The following PTPRT variants were observed in gnomAD, a reference collection of about 807,000 sequenced individuals.
PTPRT encodes the protein receptor-type tyrosine-protein phosphatase T.
A neutral mutation model predicts 176.8 loss-of-function variants in PTPRT; 56 were observed. The ratio of observed to expected loss-of-function variants is 0.32; its 90% confidence interval spans 0.26 to 0.40. The LOEUF (loss-of-function observed/expected upper bound fraction) is 0.40, where lower values mean the gene tolerates loss of function less well. PTPRT is among the 10% of genes least tolerant of loss of function. The probability of loss-of-function intolerance (pLI) is 1.00; values close to 1 mark genes in which losing one functional copy is unlikely to be tolerated. For synonymous variants in PTPRT, 783 were observed against 739.0 expected, an observed-to-expected ratio of 1.06 and a Z score of -0.96; for missense variants, 1,540 against 1,908.2, an observed-to-expected ratio of 0.81 and a Z score of 3.60.
At chr20:42,850,851 G>A (rs1045939641) in intron 2 of PTPRT, among the ~76,000 whole-genome samples, 1 of 152,108 alleles carries the variant, frequency 6.6e-6, no homozygotes, top group Non-Finnish European at 1.5e-5. Context: ...GCAGCCCTTG[G>A]ACCAGTCTAC....
intron 7 of PTPRT, among the ~76,000 whole-genome samples, chr20:42,640,412 T>C (rs555323708): frequency 1.3e-5 from 2 of 152,074 alleles, no homozygotes; most frequent in South Asian, 4.2e-4. Context: ...AAAAATTTTT[T>C]TGAGACAGTG....
rs555590698 is a variant in PTPRT, at chr20:42,801,378, C to G, written c.215-9912G>C. On this transcript the variant is annotated intron_variant, in intron 2 of 30. Coordinates refer to ENST00000373187, the MANE Select transcript of PTPRT (RefSeq NM_007050.6). ...GGCTTTCTCCCCTGGCTTCTCTCTG[C>G]CACTGCATCCCTAACTCCACTGGTA... 1.6e-4 allele frequency among the ~76,000 whole-genome samples: 24 copies of G among 152,310 alleles called. No individual in the cohort carries two copies. In the South Asian group the frequency reaches 4.8e-3, roughly 30 times the overall value.
At chr20:43,137,712 C>T (rs2013877463) in intron 1 of PTPRT, among the ~76,000 whole-genome samples, 1 of 152,196 alleles carries the variant, frequency 6.6e-6, no homozygotes, top group Non-Finnish European at 1.5e-5. Context: ...GAGACTGCAG[C>T]CCTATCTGCT....
At chr20:42,990,093 A>C (rs6072924) in intron 1 of PTPRT, among the ~76,000 whole-genome samples, 32,219 of 152,188 alleles carry the variant, frequency 0.21, 3,588 homozygotes, top group Non-Finnish European at 0.24. Flanking sequence ...CTATCATCTT[A>C]CGAAGCCGTC....
chr20:42,660,767 C>G (rs988486869), intron 7 of PTPRT, among the ~76,000 whole-genome samples: 1 of 152,118 alleles, frequency 6.6e-6, no homozygotes, highest in Non-Finnish European at 1.5e-5. Flanking sequence ...ATGGAAAGGG[C>G]AAGTAATAAA....
intron 11 of PTPRT, among the ~76,000 whole-genome samples, chr20:42,343,841 T>C (rs180819755): frequency 6.6e-6 from 1 of 152,316 alleles, no homozygotes; most frequent in African/African-American, 2.4e-5. Flanking sequence ...TTCTTGCCCA[T>C]GGCTGCCCAT....
At chr20:42,585,449 T>C (rs960805660) in intron 7 of PTPRT, among the ~76,000 whole-genome samples, 1 of 152,210 alleles carries the variant, frequency 6.6e-6, no homozygotes, top group African/African-American at 2.4e-5. Context: ...TTGTATATGC[T>C]ATTTTTTGAC....
At chr20:42,363,285 TATATATA>T (rs2058459725) in intron 9 of PTPRT, among the ~76,000 whole-genome samples, 1 of 16,516 alleles carries the variant, frequency 6.1e-5, no homozygotes, top group African/African-American at 2.3e-4. Context: ...TATATATATA[TATATATA>T]TATATATATT....
intron 7 of PTPRT, among the ~76,000 whole-genome samples, chr20:42,544,161 C>A (rs891803200): frequency 6.6e-6 from 1 of 152,182 alleles, no homozygotes; most frequent in African/African-American, 2.4e-5. Context: ...TTCTCTCTAG[C>A]TACGAAAGTC....
chr20:42,116,086 G>A (rs1356966923), intron 21 of PTPRT: 1 of 723,902 alleles, frequency 1.4e-6, no homozygotes, highest in Non-Finnish European at 2.6e-6. Flanking sequence ...CCCACAGTGT[G>A]TTCCGCTGGG....
chr20:42,321,407 ATAAACCTAGG>A (rs1420455937), intron 11 of PTPRT, among the ~76,000 whole-genome samples: 1 of 152,210 alleles, frequency 6.6e-6, no homozygotes, highest in Non-Finnish European at 1.5e-5. Context: ...CTACAAAATC[ATAAACCTAGG>A]TGATTCTGAT....
intron 7 of PTPRT, among the ~76,000 whole-genome samples, chr20:42,481,040 T>A (rs1261157887): frequency 6.6e-6 from 1 of 151,660 alleles, no homozygotes; most frequent in Non-Finnish European, 1.5e-5. Context: ...TTTTTTTTTT[T>A]AAGGGCCAGA....
chr20:42,520,375 C>T (rs1475269268), intron 7 of PTPRT, among the ~76,000 whole-genome samples: 1 of 152,092 alleles, frequency 6.6e-6, no homozygotes, highest in East Asian at 1.9e-4. Context: ...ATACCCTTTT[C>T]GGCCCCTCAA....
the PTPRT span, among the ~76,000 whole-genome samples, chr20:42,035,563 C>G: frequency 6.6e-6 from 1 of 152,114 alleles, no homozygotes; most frequent in African/African-American, 2.4e-5. Flanking sequence ...ACCACTCAGG[C>G]TTTCAGTTTA....
chr20:42,767,974 T>G (rs939826011), intron 5 of PTPRT, among the ~76,000 whole-genome samples: 1 of 70,628 alleles, frequency 1.4e-5, no homozygotes, highest in Non-Finnish European at 2.8e-5. Flanking sequence ...ATATATAAAA[T>G]TATACACACA....
chr20:42,696,307 TCCTC>T (rs1196112704), intron 6 of PTPRT, among the ~76,000 whole-genome samples: 8 of 150,498 alleles, frequency 5.3e-5, no homozygotes, highest in Non-Finnish European at 7.4e-5. Flanking sequence ...CTGTTTCGCT[TCCTC>T]CCTCCCTCCC....
intron 15 of PTPRT, among the ~76,000 whole-genome samples, chr20:42,209,715 G>A (rs1285939764): frequency 1.3e-5 from 2 of 152,226 alleles, no homozygotes; most frequent in East Asian, 1.9e-4. Flanking sequence ...TTCTACCAGA[G>A]GTACAAGGAG....
At chr20:42,660,911 G>T in intron 7 of PTPRT, among the ~76,000 whole-genome samples, 1 of 152,156 alleles carries the variant, frequency 6.6e-6, no homozygotes, top group East Asian at 1.9e-4. Context: ...GAGGGCAGTG[G>T]CATGATGTCG....
chr20:42,110,259 C>T (rs1986889433), intron 23 of PTPRT, 74 bp downstream of exon 23: 77 of 1,403,800 alleles, frequency 5.5e-5, no homozygotes, highest in Non-Finnish European at 7.2e-5. Flanking sequence ...ACCACGTTGG[C>T]CAGGCTGGTC....
Sources: gnomAD v4.1 joint callset for allele counts (sites outside exome capture counted in the v4.1 genomes callset) on GRCh38, gnomAD v4.1.1 for gene constraint, MANE v1.5 for transcripts, NCBI Gene and HGNC (gene_info 2026-07-23, HGNC 2026-07-21) for gene names.